The following CSAD variants were observed in gnomAD, a reference collection of about 807,000 sequenced individuals.
CSAD encodes the protein P-selectin cytoplasmic tail-associated protein.
CSAD carries 47 observed loss-of-function variants against 61.5 expected under a neutral mutation model. The observed-to-expected ratio is 0.76, with a 90% CI of 0.60 to 0.97. The LOEUF (loss-of-function observed/expected upper bound fraction) is 0.97, where lower values mean the gene tolerates loss of function less well. CSAD is among the 50% of genes least tolerant of loss of function. The pLI is 0.00. For synonymous variants in CSAD, 245 were observed against 252.7 expected, an observed-to-expected ratio of 0.97 and a Z score of 0.29; for missense variants, 611 against 643.6, an observed-to-expected ratio of 0.95 and a Z score of 0.55.
intron 8 of CSAD, chr12:53,170,972 C>T (rs1017800784): frequency 9.2e-6 from 4 of 436,030 alleles, no homozygotes; most frequent in Non-Finnish European, 1.7e-5. Flanking sequence ...CCACCCACCT[C>T]AGCCTCTCAA....
chr12:53,180,844 G>C lies in CSAD; in HGVS notation c.-203C>G, dbSNP rs1941555324. 1 of 1,269,694 alleles carries C rather than the reference G, an allele frequency of 7.9e-7. No individual in the cohort carries two copies. Among genetic ancestry groups the C allele is most frequent in the African/African-American group, 1.6e-5 (1 of 63,130 alleles). The allele number at this position is 1,269,694 out of a possible 1,614,324, so 78.7% of individuals were successfully genotyped here. ...GGGAGGCCGCGCCTGGCAGGTAGGA[G>C]CAAGCCCCAAAGACCGCAGCGTCGT... On this transcript the variant is annotated 5_prime_UTR_variant, in exon 1 of 17. Coordinates refer to ENST00000444623, the MANE Select transcript of CSAD (RefSeq NM_001244705.2).
intron 16 of CSAD, 144 bp downstream of exon 16, chr12:53,159,479 C>T: frequency 1.5e-6 from 1 of 664,934 alleles, no homozygotes; most frequent in Non-Finnish European, 2.6e-6. Flanking sequence ...CCCATCCCCA[C>T]CCCTACCGAA....
rs750580474 is a variant in CSAD at position 53,158,556 on chromosome 12, CA to C, written c.1436del (p.Met479ArgfsTer11). 1.2e-6 allele frequency: 2 copies of C among 1,613,380 alleles called. No individual in the cohort carries two copies. ...VANSALTCADMDFLLNELERL... is the reference protein window; with the variant it reads ...VANSALTCADXDFLLNELERL... ...GCTCCAGCTCGTTGAGGAGGAAGTC[CA>C]TATCAGCACAGGTCAGTGCAGAGTT... is the stretch of plus-strand genomic sequence containing the variant. On this transcript the variant is annotated frameshift_variant, in exon 17 of 17. Transcript: ENST00000444623. LOFTEE classifies it high-confidence loss of function.
chr12:53,179,732 G>C, intron 1 of CSAD: 1 of 1,419,570 alleles, frequency 7.0e-7, no homozygotes, highest in South Asian at 1.3e-5. Flanking sequence ...TTTTCTTTTG[G>C]TATCACCATT....
intron 1 of CSAD, chr12:53,179,911 T>C (rs1364624077): frequency 3.1e-6 from 5 of 1,605,334 alleles, no homozygotes; most frequent in African/African-American, 1.3e-5. Context: ...TCCATTTTCC[T>C]AATGCAGCCT....
Position 53,180,880 on chromosome 12 carries a change from G to C in CSAD, c.-239C>G. 1 of 1,203,504 alleles carries C rather than the reference G, an allele frequency of 8.3e-7. No individual in the cohort carries two copies. 74.6% of individuals were successfully genotyped at this position (1,203,504 alleles called of 1,614,324 possible). On this transcript the variant is annotated 5_prime_UTR_variant, in exon 1 of 17. Transcript: ENST00000444623. Reference sequence around the variant, plus strand: ...AGACCGCAGCGTCGTCCGTACAGACGGCAGCGCTTCAGTAGCTCGCAAGCC... The same window carrying C: ...AGACCGCAGCGTCGTCCGTACAGACCGCAGCGCTTCAGTAGCTCGCAAGCC...
At chr12:53,160,005 C>G in intron 14 of CSAD, 67 bp from the exon 15 acceptor site, 4 of 1,595,764 alleles carry the variant, frequency 2.5e-6, no homozygotes, top group Non-Finnish European at 3.4e-6. Context: ...AAGAGGCCCA[C>G]GTAGAATGAG....
At chr12:53,164,860 A>T (rs1210655985) in intron 10 of CSAD, 2 of 152,320 alleles carry the variant, frequency 1.3e-5, no homozygotes, top group South Asian at 4.1e-4. Flanking sequence ...AGACAACATA[A>T]TTTTTTTAAT....
At chr12:53,170,726 T>G (rs562298251) in intron 8 of CSAD, 62 of 539,574 alleles carry the variant, frequency 1.1e-4, no homozygotes, top group Middle Eastern at 5.1e-4. Flanking sequence ...TTGTTTGTTT[T>G]TTTTTTTTTT....
intron 7 of CSAD, 152 bp from the exon 8 acceptor site, chr12:53,171,593 G>A (rs568952719): frequency 3.8e-5 from 28 of 728,708 alleles, no homozygotes; most frequent in East Asian, 3.5e-4. Flanking sequence ...ATCCCAGAAT[G>A]GATCCAGGAT....
intron 4 of CSAD, 200 bp downstream of exon 4, chr12:53,173,145 T>G (rs1592350857): frequency 1.9e-6 from 1 of 514,526 alleles, no homozygotes; most frequent in African/African-American, 2.0e-5. Context: ...GAGACGGAGG[T>G]TGCAGTGAGC....
At position 53,173,394 on chromosome 12, in the gene CSAD, C is replaced by G. The variant is rs760980087; in HGVS notation, c.77G>C (p.Gly26Ala). 21 of 1,614,238 alleles carry G rather than the reference C, an allele frequency of 1.3e-5. No homozygotes were observed. The Middle Eastern group carries it at 2.8e-3, about 216-fold the overall frequency. The change falls in exon 4 of 17, where the codon GGG becomes GCG. Residue 26 changes from glycine (G) to alanine (A), a missense_variant. By Grantham distance (60) the Gly-to-Ala change is moderately conservative. Coordinates refer to ENST00000444623, the MANE Select transcript of CSAD (RefSeq NM_001244705.2). ...CTGAATGGCCTCATCCACAACAACCCCAAACACGGCCCGGAGCAAGGCTTC... is the reference window on the plus strand; with the variant it reads ...CTGAATGGCCTCATCCACAACAACCGCAAACACGGCCCGGAGCAAGGCTTC... Reference protein sequence around the residue: ...AVEALLRAVFGVVVDEAIQKG... With the variant: ...AVEALLRAVFAVVVDEAIQKG...
rs1437316092 is a variant in CSAD at position 53,169,471 on chromosome 12, C to T, written c.702+601G>A. ...TCCTGCCTGGGCAACAGGAGTGAAA[C>T]TCCATCTCAAAAAAAAAAAAAAAAT... On this transcript the variant is annotated intron_variant, in intron 10 of 16. Coordinates refer to ENST00000444623, the MANE Select transcript of CSAD (RefSeq NM_001244705.2). 2.8e-5 allele frequency among the ~76,000 whole-genome samples: 4 copies of T among 143,466 alleles called. No individual in the cohort carries two copies. The East Asian group carries it at 6.0e-4, about 22-fold the overall frequency. The allele number at this position is 143,466 out of a possible 152,430, so 94.1% of individuals were successfully genotyped here.
At chr12:53,171,479 A>T in intron 7 of CSAD, 38 bp from the exon 8 acceptor site, 2 of 1,602,816 alleles carry the variant, frequency 1.2e-6, no homozygotes, top group Non-Finnish European at 1.7e-6. Flanking sequence ...AGGAAGGAGC[A>T]GTGGGTCAAG....
chr12:53,167,507 T>C (rs902739657), intron 10 of CSAD, among the ~76,000 whole-genome samples: 1 of 152,242 alleles, frequency 6.6e-6, no homozygotes, highest in Non-Finnish European at 1.5e-5. Flanking sequence ...TTTTTACATA[T>C]ATTTATGAAT....
At chr12:53,175,345 G>C (rs1358383002) in intron 2 of CSAD, among the ~76,000 whole-genome samples, 3 of 152,142 alleles carry the variant, frequency 2.0e-5, no homozygotes, top group African/African-American at 7.2e-5. Context: ...AGTTAGGGAA[G>C]GTCACACAGG....
intron 2 of CSAD, among the ~76,000 whole-genome samples, chr12:53,174,275 C>G (rs1423636931): frequency 2.0e-5 from 3 of 149,516 alleles, no homozygotes; most frequent in Non-Finnish European, 4.4e-5. Context: ...GCCACTGCAC[C>G]CCAGCCTAGG....
chr12:53,159,022 CCTT>C (rs1388108692), intron 16 of CSAD, among the ~76,000 whole-genome samples: 4 of 152,184 alleles, frequency 2.6e-5, no homozygotes, highest in East Asian at 3.8e-4. Flanking sequence ...TTAGTCAACA[CCTT>C]CTTCTCCCCT....
intron 3 of CSAD, 97 bp from the exon 4 acceptor site, chr12:53,173,573 C>G (rs1284793884): frequency 6.3e-7 from 1 of 1,599,878 alleles, no homozygotes; most frequent in Non-Finnish European, 8.5e-7. Flanking sequence ...GAGGCCCAAA[C>G]CCTGCAGCTC....
Sources: allele counts gnomAD v4.1 joint callset (sites outside exome capture counted in the v4.1 genomes callset), GRCh38; gene constraint gnomAD v4.1.1; transcripts MANE v1.5; gene names NCBI Gene and HGNC (gene_info 2026-07-23, HGNC 2026-07-21).